PRIM2: variants seen among roughly 807,000 people sequenced by gnomAD.
The protein encoded by PRIM2 is DNA primase subunit 2.
In PRIM2, 39 loss-of-function variants were observed where a neutral mutation model predicts 67.3. That is an observed-to-expected ratio of 0.58 (90% CI 0.45 to 0.76). The LOEUF (loss-of-function observed/expected upper bound fraction) is 0.76. Among genes scored for constraint, PRIM2 ranks in the 30% least tolerant of loss-of-function variants. PRIM2 has a pLI of 0.00. For missense variants in PRIM2, 398 were observed against 598.7 expected (o/e 0.66, Z 3.50); for synonymous variants, 143 against 198.7 (o/e 0.72, Z 2.36).
intron 7 of PRIM2, among the ~76,000 whole-genome samples, chr6:57,453,345 G>A (rs1772628560): frequency 6.6e-6 from 1 of 152,032 alleles, no homozygotes; most frequent in South Asian, 2.1e-4. Flanking sequence ...AGCTTGATGG[G>A]GATGGCATTG....
At chr6:57,287,321 T>A in the PRIM2 span, among the ~76,000 whole-genome samples, 1 of 152,184 alleles carries the variant, frequency 6.6e-6, no homozygotes, top group Admixed American at 6.6e-5. Context: ...ATGTTTATTG[T>A]AGCACTATTT....
At chr6:57,501,186 G>A (rs1774122560) in intron 7 of PRIM2, among the ~76,000 whole-genome samples, 1 of 152,040 alleles carries the variant, frequency 6.6e-6, no homozygotes, top group South Asian at 2.1e-4. Flanking sequence ...TAATTTAAGA[G>A]GGAAGTCTAA....
Position 57,349,176 on chromosome 6 carries a change from T to G in PRIM2, c.459+23131T>G, listed in dbSNP as rs533198508. On this transcript the variant is annotated intron_variant, in intron 5 of 13. Coordinates refer to ENST00000615550, the MANE Select transcript of PRIM2 (RefSeq NM_000947.5). ...ATCAACACAAAATATTTTTCCCCCA[T>G]ATTTTTGGTATACCCTCATTGTTCC... Among the ~76,000 whole-genome samples, 344 of 152,302 alleles carry G rather than the reference T, an allele frequency of 2.3e-3. 4 individuals carry two copies. The highest frequency in any genetic ancestry group is 7.9e-3 in the African/African-American group (330 of 41,562).
intron 5 of PRIM2, among the ~76,000 whole-genome samples, chr6:57,375,966 A>G (rs1272429955): frequency 6.6e-6 from 1 of 152,020 alleles, no homozygotes; most frequent in African/African-American, 2.4e-5. Flanking sequence ...TAACACTTTG[A>G]GAGGGCAAGG....
intron 7 of PRIM2, among the ~76,000 whole-genome samples, chr6:57,407,830 T>A (rs1375999991): frequency 6.6e-6 from 1 of 152,196 alleles, no homozygotes; most frequent in Non-Finnish European, 1.5e-5. Context: ...GGTTTCTAAT[T>A]TTTTAATAAG....
At chr6:57,612,961 A>AT (rs1254999900) in intron 12 of PRIM2, among the ~76,000 whole-genome samples, 1 of 151,768 alleles carries the variant, frequency 6.6e-6, no homozygotes, top group Non-Finnish European at 1.5e-5. Flanking sequence ...TGCCCAGCTA[A>AT]TTTTTTACTT....
chr6:57,593,601 C>T (rs1305994934), intron 10 of PRIM2, among the ~76,000 whole-genome samples: 2 of 152,192 alleles, frequency 1.3e-5, no homozygotes, highest in Admixed American at 6.5e-5. Flanking sequence ...GCCTTCCTAC[C>T]TCTTTTCATA....
At chr6:57,418,383 G>GTTTTTTTTTTTTTTT (rs34491627) in intron 7 of PRIM2, among the ~76,000 whole-genome samples, 8 of 47,226 alleles carry the variant, frequency 1.7e-4, no homozygotes, top group Admixed American at 7.2e-4. Context: ...TATGTGTGTG[G>GTTTTTTTTTTTTTTT]TTTTTTTTTT....
chr6:57,470,843 C>T (rs1391085681), intron 7 of PRIM2, among the ~76,000 whole-genome samples: 3 of 152,098 alleles, frequency 2.0e-5, no homozygotes, highest in African/African-American at 4.8e-5. Flanking sequence ...TTCTTCTCAG[C>T]GTTTGGCACT....
At chr6:57,515,635 C>A (rs1239613686) in intron 8 of PRIM2, among the ~76,000 whole-genome samples, 1 of 152,184 alleles carries the variant, frequency 6.6e-6, no homozygotes, top group Non-Finnish European at 1.5e-5. Flanking sequence ...ATTTAAAAAT[C>A]ACTCGTGTCA....
At chr6:57,370,874 T>A (rs12203766) in intron 5 of PRIM2, among the ~76,000 whole-genome samples, 41,248 of 151,424 alleles carry the variant, frequency 0.27, 5,838 homozygotes, top group South Asian at 0.4. Context: ...ATTTTTGTAT[T>A]TTTAGTAAAG....
intron 12 of PRIM2, among the ~76,000 whole-genome samples, chr6:57,621,458 C>T (rs1468340765): frequency 6.6e-6 from 1 of 152,020 alleles, no homozygotes; most frequent in Non-Finnish European, 1.5e-5. Context: ...ATTTTTATTC[C>T]CATCACTTTT....
chr6:57,418,902 G>A (rs1224931916), intron 7 of PRIM2, among the ~76,000 whole-genome samples: 2 of 152,004 alleles, frequency 1.3e-5, no homozygotes, highest in Non-Finnish European at 2.9e-5. Context: ...TAAAAGGGGT[G>A]AGGCTGATGG....
chr6:57,407,106 G>A (rs1360776650), intron 7 of PRIM2, among the ~76,000 whole-genome samples: 4 of 151,752 alleles, frequency 2.6e-5, no homozygotes, highest in Non-Finnish European at 5.9e-5. Flanking sequence ...CTTTAACTGT[G>A]TCATCAAAAA....
At chr6:57,433,795 G>GT (rs1771914098) in intron 7 of PRIM2, among the ~76,000 whole-genome samples, 1 of 152,042 alleles carries the variant, frequency 6.6e-6, no homozygotes, top group African/African-American at 2.4e-5. Context: ...TTGTTTTATG[G>GT]TATAAAAGTC....
At chr6:57,358,802 A>T (rs1452406087) in intron 5 of PRIM2, among the ~76,000 whole-genome samples, 1 of 152,208 alleles carries the variant, frequency 6.6e-6, no homozygotes, top group Non-Finnish European at 1.5e-5. Context: ...CTAATAGGAA[A>T]TAAATGTTTT....
chr6:57,221,607 C>T, the PRIM2 span: 2 of 152,556 alleles, frequency 1.3e-5, no homozygotes, highest in African/African-American at 4.8e-5. Context: ...CCCGGGTCGC[C>T]CCTTCCCCAG....
intron 7 of PRIM2, among the ~76,000 whole-genome samples, chr6:57,392,353 G>A (rs1182261730): frequency 1.3e-5 from 2 of 152,034 alleles, no homozygotes; most frequent in Non-Finnish European, 2.9e-5. Context: ...CTATTTGGAT[G>A]CCTGCCCTTC....
rs1554347484 is a variant in PRIM2 at position 57,509,181 on chromosome 6, A to G, written c.761+1727A>G. Reference sequence around the variant, plus strand: ...TCCCAGACAGCTTTTTAACCTTTGTATAATTGTTTTGTTGGGTTACGAAGA... The same window carrying G: ...TCCCAGACAGCTTTTTAACCTTTGTGTAATTGTTTTGTTGGGTTACGAAGA... On this transcript the variant is annotated intron_variant, in intron 8 of 13. Transcript: ENST00000615550. Among the ~76,000 whole-genome samples the G allele has an allele frequency of 1.4e-3, 204 of 149,748 alleles. 2 individuals are homozygous for G. The East Asian group carries it at 0.032, about 24-fold the overall frequency.
Sources: allele counts gnomAD v4.1 joint callset (sites outside exome capture counted in the v4.1 genomes callset), GRCh38; gene constraint gnomAD v4.1.1; transcripts MANE v1.5; gene names NCBI Gene and HGNC (gene_info 2026-07-23, HGNC 2026-07-21).